CALB2: variants seen among roughly 807,000 people sequenced by gnomAD.
CALB2 encodes the protein calretinin.
Under a neutral mutation model 45.9 loss-of-function variants are expected in CALB2, and 34 were observed. The ratio of observed to expected loss-of-function variants is 0.74; its 90% CI spans 0.56 to 0.99. CALB2 has a LOEUF of 0.99. Among genes scored for constraint, CALB2 ranks in the 50% least tolerant of loss-of-function variants. The probability of loss-of-function intolerance (pLI) is 0.00; values close to 1 mark genes in which losing one functional copy is unlikely to be tolerated. For missense variants in CALB2, 344 were observed against 339.3 expected (o/e 1.01, Z -0.11); for synonymous variants, 142 against 129.6 (o/e 1.10, Z -0.65).
At chr16:71,367,318 C>A (rs556947956) in intron 1 of CALB2, among the ~76,000 whole-genome samples, 1 of 152,080 alleles carries the variant, frequency 6.6e-6, no homozygotes, top group Non-Finnish European at 1.5e-5. Context: ...TTATCGATGC[C>A]CATCCGCATG....
intron 10 of CALB2, 112 bp downstream of exon 10, chr16:71,385,760 C>A: frequency 1.5e-6 from 1 of 666,050 alleles, no homozygotes; most frequent in Non-Finnish European, 2.4e-6. Context: ...TCTGATCTGC[C>A]ACAGCAAGGC....
intron 1 of CALB2, among the ~76,000 whole-genome samples, chr16:71,362,091 G>T (rs148259422): frequency 2.0e-5 from 3 of 152,298 alleles, no homozygotes; most frequent in East Asian, 1.9e-4. Flanking sequence ...TCCATGCTCC[G>T]AGTGGCCCTG....
Position 71,389,791 on chromosome 16 carries a change from A to G in CALB2, c.742A>G (p.Met248Val). 6.2e-7 allele frequency: 1 copy of G among 1,614,102 alleles called. No homozygotes were observed. Among genetic ancestry groups the G allele is most frequent in the South Asian group, 1.1e-5 (1 of 91,076 alleles). Residue 248 changes from methionine to valine, a missense_variant, in exon 11 of 11, where the codon ATG becomes GTG. Transcript: ENST00000302628. ...GCTCACCAACTACAGAAAGAGCGTC[A>G]TGTCCTTGGCAGAGGCAGGGAAGCT... ...QQLTNYRKSV[M>V]SLAEAGKLYR...
chr16:71,370,245 G>A (rs2042332292), intron 1 of CALB2, among the ~76,000 whole-genome samples: 1 of 152,176 alleles, frequency 6.6e-6, no homozygotes, highest in Non-Finnish European at 1.5e-5. Context: ...CCTAGGAGGA[G>A]AGGCTGGGAA....
chr16:71,377,258 T>C (rs1397507290), intron 3 of CALB2, among the ~76,000 whole-genome samples: 2 of 152,194 alleles, frequency 1.3e-5, no homozygotes, highest in African/African-American at 2.4e-5. Flanking sequence ...AATGGAAATA[T>C]AGCTTTTCTA....
intron 2 of CALB2, among the ~76,000 whole-genome samples, chr16:71,374,491 T>G (rs2042387939): frequency 6.6e-6 from 1 of 152,154 alleles, no homozygotes. Flanking sequence ...CAGCAGGGCA[T>G]GTTTGATTAC....
chr16:71,359,482 G>A (rs1230298473), intron 1 of CALB2, among the ~76,000 whole-genome samples: 1 of 152,318 alleles, frequency 6.6e-6, no homozygotes, highest in East Asian at 1.9e-4. Flanking sequence ...CAGTGGGTGT[G>A]GTGGCGGGCA....
intron 1 of CALB2, among the ~76,000 whole-genome samples, chr16:71,363,988 G>A (rs1032518362): frequency 6.6e-6 from 1 of 152,088 alleles, no homozygotes; most frequent in Non-Finnish European, 1.5e-5. Flanking sequence ...GGGAACAGCC[G>A]CCTGACCCAT....
intron 1 of CALB2, among the ~76,000 whole-genome samples, chr16:71,364,046 C>T (rs2042258549): frequency 6.6e-6 from 1 of 152,124 alleles, no homozygotes; most frequent in Non-Finnish European, 1.5e-5. Context: ...TCTGCTCCCT[C>T]CCCCAACTCC....
rs772451161 is a variant in CALB2, at chr16:71,358,846, G to A, written c.54G>A (p.Ala18=). The A allele has an allele frequency of 6.2e-7, 1 of 1,613,096 alleles. No individual in the cohort carries two copies. Among genetic ancestry groups the A allele is most frequent in the Admixed American group, 1.7e-5 (1 of 59,966 alleles). The change falls in exon 1 of 11, where the codon GCG becomes GCA. Residue 18 remains alanine (A), a synonymous_variant. Transcript: ENST00000302628. ...ACCTGCACCTGGCCGAGCTGACGGC[G>A]TCCCAGTTCCTGGAAATATGGAAGC... ...PPYLHLAELT[A]SQFLEIWKHF...
At chr16:71,361,082 A>G (rs189465552) in intron 1 of CALB2, among the ~76,000 whole-genome samples, 42 of 152,220 alleles carry the variant, frequency 2.8e-4, no homozygotes, top group Admixed American at 2.6e-3. Flanking sequence ...TGATCTTCAA[A>G]GCCTCCTAAA....
At chr16:71,389,159 G>A (rs539707968) in intron 10 of CALB2, among the ~76,000 whole-genome samples, 8 of 152,010 alleles carry the variant, frequency 5.3e-5, no homozygotes, top group East Asian at 3.9e-4. Flanking sequence ...CTTCACTCCC[G>A]TCTAGGCCAC....
Position 71,389,732 on chromosome 16 carries a change from C to T in CALB2, c.700-17C>T, listed in dbSNP as rs1420826922. The T allele has an allele frequency of 6.3e-7, 1 of 1,594,664 alleles. No homozygotes were observed. The highest frequency in any genetic ancestry group is 1.1e-5 in the South Asian group (1 of 90,702). ...CATCCCCTGAACCTGCTCTTACCCT[C>T]TCCCTGTATTTCCTAGGAAATGAAT... On this transcript the variant is annotated splice_polypyrimidine_tract_variant and intron_variant, in intron 10 of 10. Transcript: ENST00000302628.
In CALB2 at chr16:71,389,894, C is replaced by A; in HGVS notation, c.*29C>A. On this transcript the variant is annotated 3_prime_UTR_variant, in exon 11 of 11. Transcript: ENST00000302628. ...GGGGACGGGGGCTGCTTCTCCACCTCCCCCAAACCCTGCTTCTGCTGCCCT... is the reference window on the plus strand; with the variant it reads ...GGGGACGGGGGCTGCTTCTCCACCTACCCCAAACCCTGCTTCTGCTGCCCT... 6.7e-7 allele frequency: 1 copy of A among 1,499,458 alleles called. No individual in the cohort carries two copies. Among genetic ancestry groups the A allele is most frequent in the Non-Finnish European group, 9.3e-7 (1 of 1,078,750 alleles). 92.9% of individuals were successfully genotyped at this position (1,499,458 alleles called of 1,614,324 possible).
chr16:71,382,020 GAGGAGGAGGAGGAGGAGGAGGAGT>G (rs1312115091), intron 4 of CALB2, among the ~76,000 whole-genome samples: 3 of 13,272 alleles, frequency 2.3e-4, no homozygotes, highest in African/African-American at 1.8e-3. Context: ...CTCAAAAGAG[GAGGAGGAGGAGGAGGAGGAGGAGT>G]AGGAGGAGGA....
chr16:71,376,681 A>G (rs2042417873), intron 3 of CALB2, among the ~76,000 whole-genome samples: 1 of 151,990 alleles, frequency 6.6e-6, no homozygotes, highest in South Asian at 2.1e-4. Context: ...ACATACAACC[A>G]CATACATTCA....
intron 8 of CALB2, 78 bp from the exon 9 acceptor site, chr16:71,384,705 A>AAC (rs1054099197): frequency 5.4e-6 from 2 of 369,568 alleles, no homozygotes; most frequent in Admixed American, 5.6e-5. Flanking sequence ...CACACACATA[A>AAC]ACACACACAC....
intron 1 of CALB2, among the ~76,000 whole-genome samples, chr16:71,359,114 T>C (rs867248828): frequency 5.8e-4 from 89 of 152,168 alleles, no homozygotes; most frequent in Non-Finnish European, 2.8e-4. Context: ...CCCACCCGCA[T>C]TTGCACCTTT....
chr16:71,371,620 C>CA (rs1374439987), intron 1 of CALB2, among the ~76,000 whole-genome samples: 1 of 152,188 alleles, frequency 6.6e-6, no homozygotes, highest in Admixed American at 6.5e-5. Flanking sequence ...TCCTGGGTCT[C>CA]TGTGTCTCCA....
Sources: allele counts gnomAD v4.1 joint callset (sites outside exome capture counted in the v4.1 genomes callset), GRCh38; gene constraint gnomAD v4.1.1; transcripts MANE v1.5; gene names NCBI Gene and HGNC (gene_info 2026-07-23, HGNC 2026-07-21).